The following PXDNL variants were observed in gnomAD, a reference collection of about 807,000 sequenced individuals.
PXDNL encodes peroxidasin like.
PXDNL carries 145 observed loss-of-function variants against 150.8 expected under a neutral mutation model. The ratio of observed to expected loss-of-function variants is 0.96; its 90% CI spans 0.84 to 1.10. The LOEUF is 1.10. PXDNL is among the 50% of genes least tolerant of loss of function. The pLI, the probability that PXDNL is intolerant of heterozygous loss-of-function variation, is 0.00. For synonymous variants in PXDNL, 757 were observed against 725.7 expected (o/e 1.04, Z -0.69); for missense variants, 2,087 against 1,873.9 (o/e 1.11, Z -2.10).
intron 2 of PXDNL, among the ~76,000 whole-genome samples, chr8:51,618,424 T>C (rs1427729708): frequency 6.6e-6 from 1 of 152,208 alleles, no homozygotes; most frequent in Admixed American, 6.5e-5. Flanking sequence ...CCAGGCATCA[T>C]GGAAATGCTA....
At chr8:51,677,830 A>G (rs1424195909) in intron 1 of PXDNL, among the ~76,000 whole-genome samples, 1 of 152,222 alleles carries the variant, frequency 6.6e-6, no homozygotes, top group Non-Finnish European at 1.5e-5. Flanking sequence ...ATGAAAGTAA[A>G]TATAGAACCT....
rs185409051 is a variant in PXDNL, at chr8:51,385,552, C to T, written c.3558-10821G>A. Among the ~76,000 whole-genome samples the T allele has an allele frequency of 8.5e-5, 13 of 152,298 alleles. No individual in the cohort carries two copies. In the East Asian group the frequency reaches 2.1e-3, roughly 25 times the overall value. On this transcript the variant is annotated intron_variant, in intron 17 of 22. Coordinates refer to ENST00000356297, the MANE Select transcript of PXDNL (RefSeq NM_144651.5). The stretch of plus-strand genomic sequence containing the variant: ...CTAGCCACCAATCTAGACTAAAAAA[C>T]GACTAATTAACAGCCCCTGATTTAA...
chr8:51,479,160 C>T (rs1298812607), intron 6 of PXDNL, among the ~76,000 whole-genome samples: 1 of 152,054 alleles, frequency 6.6e-6, no homozygotes, highest in African/African-American at 2.4e-5. Context: ...AAAGCTGCTA[C>T]TAAGATTTAA....
At chr8:51,470,243 T>C (rs1810295100) in intron 8 of PXDNL, among the ~76,000 whole-genome samples, 1 of 152,126 alleles carries the variant, frequency 6.6e-6, no homozygotes, top group African/African-American at 2.4e-5. Flanking sequence ...TGGGCTAGTT[T>C]CCAGATTTAA....
chr8:51,328,338 G>A (rs1245806665), intron 21 of PXDNL, among the ~76,000 whole-genome samples: 3 of 152,168 alleles, frequency 2.0e-5, no homozygotes, highest in Non-Finnish European at 2.9e-5. Flanking sequence ...ACTCTTAAAT[G>A]GTAAATTTTA....
At chr8:51,760,313 G>A (rs1410108202) in intron 1 of PXDNL, among the ~76,000 whole-genome samples, 1 of 151,934 alleles carries the variant, frequency 6.6e-6, no homozygotes, top group Non-Finnish European at 1.5e-5. Context: ...AAGAGAGTTA[G>A]TGAGGTTAGT....
intron 19 of PXDNL, among the ~76,000 whole-genome samples, chr8:51,350,934 T>A (rs534159921): frequency 9.8e-5 from 15 of 152,334 alleles, no homozygotes; most frequent in African/African-American, 3.6e-4. Flanking sequence ...GCAAAGTGGC[T>A]TCTAGTTCTC....
chr8:51,774,610 A>T (rs2037332010), intron 1 of PXDNL, among the ~76,000 whole-genome samples: 1 of 152,076 alleles, frequency 6.6e-6, no homozygotes, highest in South Asian at 2.1e-4. Flanking sequence ...TGAAGTCAGG[A>T]GATCGAGACC....
chr8:51,441,154 G>A (rs894358943), intron 12 of PXDNL, among the ~76,000 whole-genome samples: 2 of 152,224 alleles, frequency 1.3e-5, no homozygotes, highest in Admixed American at 1.3e-4. Context: ...TTTATAAGGG[G>A]CTTCCCCCTC....
chr8:51,656,274 CTT>C (rs1191226461), intron 1 of PXDNL, among the ~76,000 whole-genome samples: 1 of 152,156 alleles, frequency 6.6e-6, no homozygotes, highest in Non-Finnish European at 1.5e-5. Context: ...TTTCTCTAGA[CTT>C]TGCCAAAATG....
chr8:51,460,796 T>C (rs767534819), intron 8 of PXDNL, among the ~76,000 whole-genome samples: 3 of 152,082 alleles, frequency 2.0e-5, no homozygotes, highest in Non-Finnish European at 4.4e-5. Context: ...AGCATGAGCC[T>C]GCATGGAGCC....
intron 18 of PXDNL, among the ~76,000 whole-genome samples, chr8:51,373,512 A>T (rs1807193438): frequency 6.6e-6 from 1 of 152,224 alleles, no homozygotes; most frequent in Admixed American, 6.5e-5. Context: ...TGAGCACATT[A>T]ACCCAATTAT....
intron 19 of PXDNL, among the ~76,000 whole-genome samples, chr8:51,361,909 G>C (rs1181134672): frequency 9.0e-6 from 1 of 110,854 alleles, no homozygotes; most frequent in Non-Finnish European, 1.7e-5. Context: ...CTGCACACCA[G>C]CCTGGGCAAC....
chr8:51,693,533 G>A (rs374096349), intron 1 of PXDNL, among the ~76,000 whole-genome samples: 37 of 152,166 alleles, frequency 2.4e-4, no homozygotes, highest in African/African-American at 7.7e-4. Flanking sequence ...CAACACTCTG[G>A]GAGGCGGAAG....
intron 18 of PXDNL, among the ~76,000 whole-genome samples, chr8:51,372,694 C>A (rs1191197232): frequency 6.6e-6 from 1 of 152,198 alleles, no homozygotes; most frequent in African/African-American, 2.4e-5. Flanking sequence ...CCTATTGTTG[C>A]ATTTAAATTC....
chr8:51,512,266 G>A (rs1293490756), intron 4 of PXDNL, among the ~76,000 whole-genome samples: 1 of 152,238 alleles, frequency 6.6e-6, no homozygotes, highest in East Asian at 1.9e-4. Context: ...AATGTGTGAA[G>A]AGGAGCAAAG....
intron 3 of PXDNL, among the ~76,000 whole-genome samples, chr8:51,580,864 C>T (rs1169975707): frequency 6.6e-6 from 1 of 152,186 alleles, no homozygotes; most frequent in Non-Finnish European, 1.5e-5. Context: ...AGGATGTGAG[C>T]TGCTGGCTGT....
chr8:51,589,900 A>C (rs1194232955), intron 3 of PXDNL, among the ~76,000 whole-genome samples: 3 of 152,210 alleles, frequency 2.0e-5, no homozygotes, highest in African/African-American at 7.2e-5. Context: ...CCATTTGCTA[A>C]AGAGGTTATC....
chr8:51,695,355 G>C (rs1294485627), intron 1 of PXDNL, among the ~76,000 whole-genome samples: 2 of 152,038 alleles, frequency 1.3e-5, no homozygotes, highest in Non-Finnish European at 2.9e-5. Flanking sequence ...AGAATGAACT[G>C]TTATCACCTA....
Sources: allele counts gnomAD v4.1 joint callset (sites outside exome capture counted in the v4.1 genomes callset), GRCh38; gene constraint gnomAD v4.1.1; transcripts MANE v1.5; gene names NCBI Gene and HGNC (gene_info 2026-07-23, HGNC 2026-07-21).